CPVL: variants seen among roughly 807,000 people sequenced by gnomAD.
The protein encoded by CPVL is carboxypeptidase vitellogenic like, also known as probable serine carboxypeptidase CPVL.
In CPVL, 51 loss-of-function variants were observed where a neutral mutation model predicts 63.7. The ratio of observed to expected loss-of-function variants is 0.80; its 90% CI spans 0.64 to 1.01. CPVL has a LOEUF of 1.01. Ranked by LOEUF, CPVL falls within the 50% of genes least tolerant of loss-of-function variation. The pLI, the probability that CPVL is intolerant of heterozygous loss-of-function variation, is 0.00. For synonymous variants in CPVL, 195 were observed against 206.0 expected, an observed-to-expected ratio of 0.95 and a Z score of 0.46; for missense variants, 530 against 573.1, an observed-to-expected ratio of 0.92 and a Z score of 0.77.
chr7:29,125,125 G>T (rs1055080870), intron 1 of CPVL: 17 of 152,080 alleles, frequency 1.1e-4, no homozygotes, highest in Admixed American at 1.1e-3. Flanking sequence ...TATCATATCT[G>T]AATTTCATTC....
intron 5 of CPVL, among the ~76,000 whole-genome samples, chr7:29,178,931 AC>A (rs1298607969): frequency 6.6e-6 from 1 of 152,174 alleles, no homozygotes; most frequent in Non-Finnish European, 1.5e-5. Context: ...ACACTAACAC[AC>A]CATTTAAGGG....
intron 4 of CPVL, among the ~76,000 whole-genome samples, chr7:29,095,605 A>C (rs900967922): frequency 6.6e-6 from 1 of 152,066 alleles, no homozygotes; most frequent in African/African-American, 2.4e-5. Context: ...AAAAAAAAAA[A>C]AAACAAAATG....
chr7:29,030,551 C>G (rs376419169), intron 12 of CPVL, 26 bp downstream of exon 12: 5 of 1,598,052 alleles, frequency 3.1e-6, no homozygotes, highest in Admixed American at 1.7e-5. Flanking sequence ...TTCCCACAAC[C>G]TGCCTGCTCC....
chr7:29,138,102 G>A (rs934550006), intron 1 of CPVL, among the ~76,000 whole-genome samples: 4 of 152,124 alleles, frequency 2.6e-5, no homozygotes, highest in Non-Finnish European at 5.9e-5. Flanking sequence ...AACTAGGGCT[G>A]GAAACTAGTA....
At chr7:29,067,549 G>C (rs1392233223) in intron 9 of CPVL, among the ~76,000 whole-genome samples, 1 of 151,510 alleles carries the variant, frequency 6.6e-6, no homozygotes, top group African/African-American at 2.4e-5. Context: ...CACTCAAGAG[G>C]ACCACAGGGA....
chr7:29,050,802 CA>C (rs199723728), intron 11 of CPVL, among the ~76,000 whole-genome samples: 29 of 137,512 alleles, frequency 2.1e-4, no homozygotes, highest in Non-Finnish European at 2.2e-4. Flanking sequence ...TGAGACTAAG[CA>C]AAAAAAAAAA....
intron 5 of CPVL, among the ~76,000 whole-genome samples, chr7:29,177,928 G>A (rs577595508): frequency 7.2e-5 from 11 of 152,016 alleles, no homozygotes; most frequent in Admixed American, 2.0e-4. Context: ...CACAACCCTC[G>A]GTTCCATCCC....
rs1386168430 is a variant in CPVL, at chr7:29,100,980, T to C, written c.289-4763A>G. On this transcript the variant is annotated intron_variant, in intron 3 of 12. Transcript: ENST00000265394. Reference sequence around the variant, plus strand: ...TCACAGCATGCAGACTTTTGTAATATAATATGGCATCAAATGTCATGATAT... The same window carrying C: ...TCACAGCATGCAGACTTTTGTAATACAATATGGCATCAAATGTCATGATAT... 2.6e-5 allele frequency among the ~76,000 whole-genome samples: 4 copies of C among 152,312 alleles called. No homozygotes were observed. In the South Asian group the frequency reaches 6.2e-4, roughly 24 times the overall value.
chr7:28,999,571 A>C (rs919255740), intron 12 of CPVL, among the ~76,000 whole-genome samples: 5 of 152,168 alleles, frequency 3.3e-5, no homozygotes, highest in African/African-American at 1.2e-4. Context: ...TTACTCACGC[A>C]CATGCGCACT....
chr7:29,044,093 C>A (rs1789388939), intron 11 of CPVL, among the ~76,000 whole-genome samples: 1 of 152,020 alleles, frequency 6.6e-6, no homozygotes, highest in Non-Finnish European at 1.5e-5. Context: ...ACATACAGAC[C>A]AAATCAGCCC....
At chr7:29,027,455 C>T (rs1349004179) in intron 12 of CPVL, among the ~76,000 whole-genome samples, 1 of 152,150 alleles carries the variant, frequency 6.6e-6, no homozygotes, top group Non-Finnish European at 1.5e-5. Context: ...TCCTATTCAA[C>T]ATAGTACCAG....
intron 4 of CPVL, among the ~76,000 whole-genome samples, chr7:29,183,143 G>A (rs1165014609): frequency 6.6e-6 from 1 of 150,478 alleles, no homozygotes; most frequent in African/African-American, 2.5e-5. Context: ...GGAGTGCAAC[G>A]GCGCAATCTT....
At chr7:29,135,693 A>T (rs1205433035) in intron 1 of CPVL, among the ~76,000 whole-genome samples, 4 of 151,678 alleles carry the variant, frequency 2.6e-5, no homozygotes, top group African/African-American at 2.4e-5. Context: ...ATTTATTTTT[A>T]TTTATTTATT....
At chr7:29,092,781 A>T in intron 5 of CPVL, 79 bp from the exon 6 acceptor site, 1 of 1,010,612 alleles carries the variant, frequency 9.9e-7, no homozygotes, top group Non-Finnish European at 1.6e-6. Context: ...CCCACACTGG[A>T]AGGTGACCTT....
chr7:29,189,140 G>A (rs563987384), intron 1 of CPVL, among the ~76,000 whole-genome samples: 34 of 151,796 alleles, frequency 2.2e-4, no homozygotes, highest in African/African-American at 8.2e-4. Context: ...TAGTAGAGAC[G>A]GGGTTTCACC....
intron 9 of CPVL, 90 bp from the exon 10 acceptor site, chr7:29,066,211 C>G: frequency 1.4e-6 from 1 of 726,166 alleles, no homozygotes; most frequent in South Asian, 1.8e-5. Flanking sequence ...ATTTATTCAA[C>G]AACTTTTTCA....
intron 11 of CPVL, among the ~76,000 whole-genome samples, chr7:29,036,796 G>A (rs188798065): frequency 7.2e-5 from 11 of 152,246 alleles, no homozygotes; most frequent in African/African-American, 2.4e-4. Flanking sequence ...AGACTCTCTT[G>A]TTGTTTTTCT....
chr7:29,066,489 T>C (rs978377594), intron 9 of CPVL, among the ~76,000 whole-genome samples: 4 of 152,090 alleles, frequency 2.6e-5, no homozygotes, highest in African/African-American at 9.7e-5. Context: ...TATGGGACAA[T>C]GTAGAGAGGA....
chr7:29,045,511 T>G (rs1789524946), intron 11 of CPVL, among the ~76,000 whole-genome samples: 1 of 152,220 alleles, frequency 6.6e-6, no homozygotes, highest in Admixed American at 6.5e-5. Context: ...GGGAGCTACT[T>G]CCTCCTCCCA....
Sources: gnomAD v4.1 joint callset for allele counts (sites outside exome capture counted in the v4.1 genomes callset) on GRCh38, gnomAD v4.1.1 for gene constraint, MANE v1.5 for transcripts, NCBI Gene and HGNC (gene_info 2026-07-23, HGNC 2026-07-21) for gene names.